The following ADAMTSL1 variants were observed in gnomAD, a reference collection of about 807,000 sequenced individuals.
The protein encoded by ADAMTSL1 is ADAMTS like 1, also known as ADAMTS-like protein 1.
A neutral mutation model predicts 201.8 loss-of-function variants in ADAMTSL1; 126 were observed. That is an observed-to-expected ratio of 0.62 (90% CI 0.54 to 0.72). The LOEUF (loss-of-function observed/expected upper bound fraction) is 0.72. Ranked by LOEUF, ADAMTSL1 falls within the 30% of genes least tolerant of loss-of-function variation. ADAMTSL1 has a pLI of 0.00. For synonymous variants in ADAMTSL1, 1,121 were observed against 903.4 expected (o/e 1.24, Z -4.32); for missense variants, 2,679 against 2,277.8 (o/e 1.18, Z -3.59).
chr9:18,332,076 T>G (rs944032163), intron 2 of ADAMTSL1, among the ~76,000 whole-genome samples: 1 of 152,118 alleles, frequency 6.6e-6, no homozygotes, highest in African/African-American at 2.4e-5. Flanking sequence ...GTTTTGGAAG[T>G]GTTTGGCAGC....
At chr9:18,012,054 C>A (rs1586893084) in intron 1 of ADAMTSL1, among the ~76,000 whole-genome samples, 3 of 152,088 alleles carry the variant, frequency 2.0e-5, no homozygotes, top group Admixed American at 2.0e-4. Context: ...CCTTCCATTT[C>A]TAGAGAAAGA....
At chr9:18,177,924 A>G (rs142137481) in intron 2 of ADAMTSL1, among the ~76,000 whole-genome samples, 25 of 152,284 alleles carry the variant, frequency 1.6e-4, no homozygotes, top group African/African-American at 5.8e-4. Flanking sequence ...AAATCCCCCA[A>G]GTGTGCACGA....
At chr9:18,224,226 A>T (rs2132374918) in intron 2 of ADAMTSL1, among the ~76,000 whole-genome samples, 1 of 152,234 alleles carries the variant, frequency 6.6e-6, no homozygotes, top group African/African-American at 2.4e-5. Flanking sequence ...CACAGTTCAG[A>T]AGGCTGGGAA....
intron 1 of ADAMTSL1, among the ~76,000 whole-genome samples, chr9:17,916,081 A>T (rs1368974051): frequency 6.6e-6 from 1 of 152,152 alleles, no homozygotes; most frequent in Non-Finnish European, 1.5e-5. Context: ...CACCATGCAC[A>T]GCTAATTTTT....
intron 1 of ADAMTSL1, among the ~76,000 whole-genome samples, chr9:18,007,010 G>GA (rs1219131048): frequency 6.6e-6 from 1 of 151,888 alleles, no homozygotes; most frequent in East Asian, 1.9e-4. Context: ...TAAAGTGGTA[G>GA]AAAAAAAGAA....
chr9:18,223,655 A>G (rs935169220), intron 2 of ADAMTSL1, among the ~76,000 whole-genome samples: 4 of 152,148 alleles, frequency 2.6e-5, no homozygotes, highest in African/African-American at 9.6e-5. Context: ...CATACCTGCA[A>G]GCATTTTATT....
At chr9:18,267,793 A>AAAAAC (rs1563846276) in intron 2 of ADAMTSL1, among the ~76,000 whole-genome samples, 1 of 148,166 alleles carries the variant, frequency 6.7e-6, no homozygotes, top group African/African-American at 2.5e-5. Context: ...AAAACAAAAA[A>AAAAAC]ACCTTAATCT....
chr9:18,479,336 C>A (rs1821611147), intron 1 of ADAMTSL1, among the ~76,000 whole-genome samples: 1 of 152,164 alleles, frequency 6.6e-6, no homozygotes, highest in South Asian at 2.1e-4. Flanking sequence ...TGTTTATTGT[C>A]TTTCCCAAGA....
chr9:18,675,757 T>C (rs2133127826), intron 9 of ADAMTSL1, 100 bp from the exon 10 acceptor site: 1 of 1,022,802 alleles, frequency 9.8e-7, no homozygotes, highest in East Asian at 2.6e-5. Flanking sequence ...ATTAATGTTA[T>C]TTTGCATTTG....
chr9:18,426,767 T>C (rs1328451407), intron 2 of ADAMTSL1, among the ~76,000 whole-genome samples: 1 of 152,186 alleles, frequency 6.6e-6, no homozygotes, highest in South Asian at 2.1e-4. Flanking sequence ...CCAAAGCAAC[T>C]TGACTAGCTG....
chr9:18,854,007 G>T (rs933825696), intron 23 of ADAMTSL1, among the ~76,000 whole-genome samples: 2 of 152,046 alleles, frequency 1.3e-5, no homozygotes, highest in Non-Finnish European at 2.9e-5. Context: ...TTGGAGGTGG[G>T]GGGGTTGTAA....
intron 1 of ADAMTSL1, among the ~76,000 whole-genome samples, chr9:18,501,032 A>G (rs1227819027): frequency 6.6e-6 from 1 of 152,238 alleles, no homozygotes; most frequent in Admixed American, 6.5e-5. Context: ...ATTGAAAAAC[A>G]TTGGCTGGCC....
intron 1 of ADAMTSL1, among the ~76,000 whole-genome samples, chr9:18,154,774 G>A (rs1827076703): frequency 6.6e-6 from 1 of 152,050 alleles, no homozygotes; most frequent in Non-Finnish European, 1.5e-5. Context: ...AAGAATGACA[G>A]AAATGGGTGG....
rs144662327 is a variant in ADAMTSL1, at chr9:17,985,176, C to G, written c.87+78254C>G. On this transcript the variant is annotated intron_variant, in intron 1 of 29. Transcript: ENST00000680146. ...TGAGACTTCACTCTGACATCTTTCT[C>G]TTTTTGGATGGTTAATAAAAAAGTT... Among the ~76,000 whole-genome samples, 17 of 152,168 alleles carry G rather than the reference C, an allele frequency of 1.1e-4. No individual in the cohort carries two copies. In the East Asian group the frequency reaches 3.3e-3, roughly 29 times the overall value.
chr9:18,078,234 C>T (rs1823319232), intron 1 of ADAMTSL1, among the ~76,000 whole-genome samples: 1 of 152,012 alleles, frequency 6.6e-6, no homozygotes, highest in South Asian at 2.1e-4. Context: ...ATTTTTTTCT[C>T]CCATTGTGCC....
At chr9:18,188,892 G>A (rs1470665608) in intron 2 of ADAMTSL1, among the ~76,000 whole-genome samples, 1 of 152,198 alleles carries the variant, frequency 6.6e-6, no homozygotes. Flanking sequence ...TTCGCTACAA[G>A]AGTGTGAAGC....
At chr9:18,232,567 A>G (rs962615079) in intron 2 of ADAMTSL1, among the ~76,000 whole-genome samples, 3 of 152,208 alleles carry the variant, frequency 2.0e-5, no homozygotes, top group Non-Finnish European at 4.4e-5. Flanking sequence ...GTTAAAACTT[A>G]ATAAATATGT....
At chr9:18,709,586 A>G (rs148554376) in intron 14 of ADAMTSL1, among the ~76,000 whole-genome samples, 89 of 152,338 alleles carry the variant, frequency 5.8e-4, no homozygotes, top group African/African-American at 2.0e-3. Context: ...CTGTCATCAA[A>G]TATCATGTAA....
intron 1 of ADAMTSL1, among the ~76,000 whole-genome samples, chr9:17,970,516 C>T (rs558281341): frequency 6.6e-6 from 1 of 151,998 alleles, no homozygotes; most frequent in South Asian, 2.1e-4. Flanking sequence ...TTCTTGTCAC[C>T]TTTAACTTGA....
Sources: allele counts gnomAD v4.1 joint callset (sites outside exome capture counted in the v4.1 genomes callset), GRCh38; gene constraint gnomAD v4.1.1; transcripts MANE v1.5; gene names NCBI Gene and HGNC (gene_info 2026-07-23, HGNC 2026-07-21).